ZC3H7B: variants seen among roughly 807,000 people sequenced by gnomAD.
The protein encoded by ZC3H7B is zinc finger CCCH-type containing 7B, also known as zinc finger CCCH domain-containing protein 7B.
A neutral mutation model predicts 116.0 loss-of-function variants in ZC3H7B; 35 were observed. The observed-to-expected ratio is 0.30, with a 90% CI of 0.23 to 0.40. The LOEUF is 0.40. ZC3H7B is among the 10% of genes least tolerant of loss of function. The pLI, the probability that ZC3H7B is intolerant of heterozygous loss-of-function variation, is 1.00. For synonymous variants in ZC3H7B, 502 were observed against 545.6 expected (o/e 0.92, Z 1.11); for missense variants, 1,011 against 1,321.5 (o/e 0.77, Z 3.64).
rs757497916 is a variant in ZC3H7B, at chr22:41,343,504, G to A, written c.1387G>A (p.Asp463Asn). Residue 463 changes from aspartate (D) to asparagine (N), a missense_variant, in exon 13 of 23, where the codon GAC becomes AAC. Asp to Asn is a conservative substitution (Grantham distance 23). Transcript: ENST00000352645. ...ILLGRLRSSE[D>N]QTWKRIRPRP... is the part of the protein sequence containing the mutation. ...GCTCGGCCGGCTCCGGAGCTCGGAG[G>A]ACCAGACCTGGAAGCGGATCCGGCC... is the stretch of plus-strand genomic sequence containing the variant. 1 of 1,613,734 alleles carries A rather than the reference G, an allele frequency of 6.2e-7. No individual in the cohort carries two copies. The highest frequency in any genetic ancestry group is 1.7e-5 in the Admixed American group (1 of 60,020).
rs752824506 is a variant in ZC3H7B, at chr22:41,343,397, T to C, written c.1298-18T>C. On this transcript the variant is annotated intron_variant, in intron 12 of 22. Transcript: ENST00000352645. ...ATTCTGCTTCCGGAATTATCATGTGTGTCCACCCTGCCCATAGGCCCCCGG... is the reference window on the plus strand; with the variant it reads ...ATTCTGCTTCCGGAATTATCATGTGCGTCCACCCTGCCCATAGGCCCCCGG... 3.1e-5 allele frequency: 50 copies of C among 1,598,894 alleles called. No homozygotes were observed. The highest frequency in any genetic ancestry group is 4.3e-5 in the Non-Finnish European group (50 of 1,169,244).
Position 41,355,821 on chromosome 22 carries a change from A to C in ZC3H7B, c.2233A>C (p.Arg745=), listed in dbSNP as rs1362789027. The change falls in exon 19 of 23, where the codon AGG becomes CGG. Residue 745 remains arginine, a synonymous_variant. Transcript: ENST00000352645. The stretch of plus-strand genomic sequence containing the variant: ...GGCCAAGAGGAAATGGGTGTCAGTG[A>C]GGCCACTGCCATCCATTCGTAACTT... ...SKAKRKWVSV[R]PLPSIRNFPQ... 11 of 1,613,642 alleles carry C rather than the reference A, an allele frequency of 6.8e-6. No homozygotes were observed. Among genetic ancestry groups the C allele is most frequent in the Non-Finnish European group, 9.3e-6 (11 of 1,179,992 alleles).
intron 16 of ZC3H7B, among the ~76,000 whole-genome samples, chr22:41,350,603 G>A (rs2036643635): frequency 6.6e-6 from 1 of 152,176 alleles, no homozygotes; most frequent in African/African-American, 2.4e-5. Context: ...GAGCGTCAAG[G>A]TGGACTCTAA....
At chr22:41,321,457 C>A (rs1162028928) in intron 2 of ZC3H7B, among the ~76,000 whole-genome samples, 2 of 152,094 alleles carry the variant, frequency 1.3e-5, no homozygotes, top group Non-Finnish European at 2.9e-5. Flanking sequence ...TCAGGTGATC[C>A]ACCCACCTCG....
chr22:41,334,636 G>T (rs1569237510), intron 7 of ZC3H7B: 2 of 152,366 alleles, frequency 1.3e-5, no homozygotes, highest in African/African-American at 4.8e-5. Flanking sequence ...CAGCACACAT[G>T]TGAGCACACA....
At chr22:41,329,983 G>C (rs751392267) in intron 5 of ZC3H7B, 40 bp from the exon 6 acceptor site, 1 of 1,608,096 alleles carries the variant, frequency 6.2e-7, no homozygotes, top group South Asian at 1.1e-5. Flanking sequence ...TTGTGAGCCC[G>C]GGCAGACTGA....
In ZC3H7B at chr22:41,357,489, C is replaced by T. The variant is rs2036737532; in HGVS notation, c.*60C>T. The T allele has an allele frequency of 5.1e-6, 8 of 1,559,794 alleles. No individual in the cohort carries two copies. The South Asian group carries it at 8.1e-5, about 16-fold the overall frequency. ...CAGGGGGTGGGGTGGGGCCAGAAGG[C>T]CTGATAGAAGGGTCAGGGCAGGCCA... On this transcript the variant is annotated 3_prime_UTR_variant, in exon 23 of 23. Transcript: ENST00000352645. The surrounding 1 kb of genome is among the most constrained non-coding windows in gnomAD (Gnocchi z 5.4).
At chr22:41,301,982 C>T (rs1331488576) in intron 1 of ZC3H7B, among the ~76,000 whole-genome samples, 2 of 152,142 alleles carry the variant, frequency 1.3e-5, no homozygotes, top group Admixed American at 6.5e-5. Context: ...CCCATTTGCT[C>T]CTTTTTGGGG....
In ZC3H7B at chr22:41,316,913, G is replaced by A. The variant is rs2036191784; in HGVS notation, c.-6-3742G>A. Among the ~76,000 whole-genome samples the A allele has an allele frequency of 4.6e-5, 7 of 152,074 alleles. No individual in the cohort carries two copies. In the South Asian group the frequency reaches 1.5e-3, roughly 32 times the overall value. On this transcript the variant is annotated intron_variant, in intron 1 of 22. Coordinates refer to ENST00000352645, the MANE Select transcript of ZC3H7B (RefSeq NM_017590.6). Reference sequence around the variant, plus strand: ...GCTGGGGTGCAGTGGCACAATCTTCGCTCACTACAACCTCTGCCTCCTGGA... The same window carrying A: ...GCTGGGGTGCAGTGGCACAATCTTCACTCACTACAACCTCTGCCTCCTGGA...
rs1246661644 is a variant in ZC3H7B, at chr22:41,357,270, G to A, written c.2775G>A (p.Val925=). ...ACGAGTGGCTGGACCGGCGCGAGGT[G>A]CTGAAGCAGAAGTTGGCCAAGGCTC... ...ELNEWLDRRE[V]LKQKLAKARK... Residue 925 remains valine, a synonymous_variant, in exon 23 of 23, where the codon GTG becomes GTA. Transcript: ENST00000352645. The surrounding 1 kb of genome is among the most constrained non-coding windows in gnomAD (Gnocchi z 5.4). 25 of 1,613,688 alleles carry A rather than the reference G, an allele frequency of 1.5e-5. No individual in the cohort carries two copies. The highest frequency in any genetic ancestry group is 2.0e-5 in the Non-Finnish European group (24 of 1,180,000).
At chr22:41,355,387 C>A in intron 17 of ZC3H7B, 82 bp from the exon 18 acceptor site, 1 of 1,559,262 alleles carries the variant, frequency 6.4e-7, no homozygotes, top group South Asian at 1.2e-5. Context: ...AAGGCTCTCC[C>A]AGAGGACACC....
intron 1 of ZC3H7B, among the ~76,000 whole-genome samples, chr22:41,306,978 T>C (rs992915785): frequency 2.4e-4 from 36 of 149,194 alleles, no homozygotes; most frequent in African/African-American, 8.8e-4. Flanking sequence ...CCTTTCTTTT[T>C]TTTTTTTTTT....
chr22:41,356,255 C>G (rs1324859184), intron 20 of ZC3H7B, 88 bp from the exon 21 acceptor site: 12 of 1,582,052 alleles, frequency 7.6e-6, no homozygotes, highest in Non-Finnish European at 1.0e-5. Flanking sequence ...ACTTGGGACG[C>G]CCACGGCTCC....
chr22:41,334,781 C>G (rs2036422829), intron 7 of ZC3H7B: 1 of 152,220 alleles, frequency 6.6e-6, no homozygotes, highest in Non-Finnish European at 1.5e-5. Flanking sequence ...GTAGGTTCTC[C>G]ACCATGAGCA....
At chr22:41,309,008 C>CTT (rs57147100) in intron 1 of ZC3H7B, among the ~76,000 whole-genome samples, 61 of 103,260 alleles carry the variant, frequency 5.9e-4, no homozygotes, top group East Asian at 1.9e-3. Flanking sequence ...TCCCAGTCTG[C>CTT]TTTTTTTTTT....
chr22:41,342,829 A>G (rs574410471), intron 12 of ZC3H7B, among the ~76,000 whole-genome samples: 4 of 152,308 alleles, frequency 2.6e-5, no homozygotes, highest in Non-Finnish European at 4.4e-5. Context: ...TCCTTTCTAG[A>G]GAAACACTAA....
intron 1 of ZC3H7B, among the ~76,000 whole-genome samples, chr22:41,309,262 G>A (rs895289630): frequency 1.0e-4 from 15 of 150,548 alleles, no homozygotes; most frequent in African/African-American, 2.0e-4. Flanking sequence ...CGCCCATCTC[G>A]GCCTCCCAAA....
chr22:41,313,628 C>T (rs1014304636), intron 1 of ZC3H7B, among the ~76,000 whole-genome samples: 2 of 152,206 alleles, frequency 1.3e-5, no homozygotes, highest in African/African-American at 4.8e-5. Context: ...CCAGTTTACA[C>T]TGTCAGTATA....
rs1452927904 is a variant in ZC3H7B, at chr22:41,359,862, T to TC, written c.*2439dup. The TC allele has an allele frequency of 1.4e-4, 14 of 101,754 alleles. No homozygotes were observed. Among genetic ancestry groups the TC allele is most frequent in the African/African-American group, 4.3e-4 (11 of 25,698 alleles). The allele number at this position is 101,754 out of a possible 1,614,324, so 6.3% of individuals were successfully genotyped here. Reference sequence around the variant, plus strand: ...AGAGGACTGAATCTGGGACCTGTGTTCCCCCCGGCAGGCAGGGACAAGATG... The same window carrying TC: ...AGAGGACTGAATCTGGGACCTGTGTTCCCCCCCGGCAGGCAGGGACAAGATG... On this transcript the variant is annotated 3_prime_UTR_variant, in exon 23 of 23. Transcript: ENST00000352645.
Sources: gnomAD v4.1 joint callset for allele counts (sites outside exome capture counted in the v4.1 genomes callset) on GRCh38, gnomAD v4.1.1 for gene constraint, Gnocchi (gnomAD v3.1) non-coding constraint, MANE v1.5 for transcripts, NCBI Gene and HGNC (gene_info 2026-07-23, HGNC 2026-07-21) for gene names.